Variants in FBXL17 observed in about 807,000 individuals in gnomAD.
The protein encoded by FBXL17 is F-box and leucine rich repeat protein 17, also known as F-box/LRR-repeat protein 17.
In FBXL17, 22 loss-of-function variants were observed where a neutral mutation model predicts 66.2. The ratio of observed to expected loss-of-function variants is 0.33; its 90% CI spans 0.24 to 0.47. The LOEUF (loss-of-function observed/expected upper bound fraction) is 0.47. FBXL17 is among the 20% of genes least tolerant of loss of function. The probability of loss-of-function intolerance (pLI) is 1.00; values close to 1 mark genes in which losing one functional copy is unlikely to be tolerated. For synonymous variants in FBXL17, 474 were observed against 400.5 expected (o/e 1.18, Z -2.19); for missense variants, 878 against 948.2 (o/e 0.93, Z 0.97).
At chr5:107,955,877 C>T (rs1464325557) in intron 7 of FBXL17, among the ~76,000 whole-genome samples, 3 of 152,102 alleles carry the variant, frequency 2.0e-5, no homozygotes, top group South Asian at 2.1e-4. Flanking sequence ...CCTCAAAATA[C>T]TAATAGATAT....
chr5:108,305,634 T>A (rs374984423), intron 4 of FBXL17, among the ~76,000 whole-genome samples: 2 of 151,944 alleles, frequency 1.3e-5, no homozygotes. Context: ...AGAAGAAGAA[T>A]ATAGTGACAG....
chr5:108,195,057 T>C (rs922327299), intron 5 of FBXL17, among the ~76,000 whole-genome samples: 2 of 152,132 alleles, frequency 1.3e-5, no homozygotes, highest in African/African-American at 2.4e-5. Flanking sequence ...TAAGCAGCTA[T>C]TGTGTACCAG....
intron 6 of FBXL17, among the ~76,000 whole-genome samples, chr5:108,081,254 A>T (rs182071099): frequency 6.6e-6 from 1 of 152,290 alleles, no homozygotes; most frequent in East Asian, 1.9e-4. Context: ...CCTCCTTCCC[A>T]TAACAGCCTG....
intron 7 of FBXL17, among the ~76,000 whole-genome samples, chr5:107,911,421 G>A (rs565873415): frequency 6.6e-6 from 1 of 152,210 alleles, no homozygotes; most frequent in Non-Finnish European, 1.5e-5. Flanking sequence ...TATGATACTA[G>A]AGGAGAATAT....
At chr5:108,368,021 T>C in intron 1 of FBXL17, 68 bp from the exon 2 acceptor site, 8 of 1,429,104 alleles carry the variant, frequency 5.6e-6, no homozygotes, top group Non-Finnish European at 7.5e-6. Flanking sequence ...AAGGTTTTTA[T>C]TAGTTAGAAA....
chr5:108,166,776 C>T (rs999019301), intron 6 of FBXL17, among the ~76,000 whole-genome samples: 2 of 152,126 alleles, frequency 1.3e-5, no homozygotes, highest in Non-Finnish European at 2.9e-5. Context: ...TAAATATAAA[C>T]ACTCAAAGTA....
chr5:107,975,383 A>G (rs548420799), intron 7 of FBXL17, among the ~76,000 whole-genome samples: 1 of 152,352 alleles, frequency 6.6e-6, no homozygotes, highest in African/African-American at 2.4e-5. Context: ...TACTAGGATT[A>G]AGTCCAAGGG....
At chr5:108,372,525 G>C (rs1405663616) in intron 1 of FBXL17, among the ~76,000 whole-genome samples, 1 of 152,028 alleles carries the variant, frequency 6.6e-6, no homozygotes, top group African/African-American at 2.4e-5. Context: ...CCTGAAAGCA[G>C]CAAGAAAAAT....
chr5:107,890,974 C>T (rs1010262408), intron 7 of FBXL17, among the ~76,000 whole-genome samples: 1 of 152,098 alleles, frequency 6.6e-6, no homozygotes, highest in Non-Finnish European at 1.5e-5. Context: ...TCTTGTGGAG[C>T]TTGTATTCTG....
intron 7 of FBXL17, among the ~76,000 whole-genome samples, chr5:107,980,177 G>GA (rs1213506543): frequency 6.6e-6 from 1 of 151,992 alleles, no homozygotes; most frequent in Non-Finnish European, 1.5e-5. Flanking sequence ...GCTAGGCAGA[G>GA]AAAAAACTAC....
intron 7 of FBXL17, among the ~76,000 whole-genome samples, chr5:107,951,879 G>A (rs1175392247): frequency 6.6e-6 from 1 of 152,166 alleles, no homozygotes; most frequent in Non-Finnish European, 1.5e-5. Flanking sequence ...TGTGAGATGG[G>A]TGCAAACAAC....
chr5:108,212,948 A>G (rs564797299), intron 5 of FBXL17, among the ~76,000 whole-genome samples: 1 of 152,288 alleles, frequency 6.6e-6, no homozygotes, highest in East Asian at 1.9e-4. Flanking sequence ...TGTCCCAGGA[A>G]GATAGGGGTT....
chr5:108,280,624 A>G (rs930344602), intron 4 of FBXL17, among the ~76,000 whole-genome samples: 1 of 152,022 alleles, frequency 6.6e-6, no homozygotes, highest in Non-Finnish European at 1.5e-5. Context: ...CAAAGAATTT[A>G]GAAAACAATT....
At chr5:108,231,093 G>A (rs1481168979) in intron 4 of FBXL17, among the ~76,000 whole-genome samples, 1 of 152,038 alleles carries the variant, frequency 6.6e-6, no homozygotes, top group African/African-American at 2.4e-5. Flanking sequence ...ATCTTCTTGG[G>A]GTGAGATGAA....
intron 6 of FBXL17, among the ~76,000 whole-genome samples, chr5:108,072,209 A>T (rs1314496831): frequency 6.6e-6 from 1 of 152,178 alleles, no homozygotes; most frequent in Non-Finnish European, 1.5e-5. Context: ...TATCTTCCTC[A>T]TACTTAACTA....
At chr5:108,046,645 T>C (rs1180689820) in intron 6 of FBXL17, among the ~76,000 whole-genome samples, 1 of 152,224 alleles carries the variant, frequency 6.6e-6, no homozygotes, top group Non-Finnish European at 1.5e-5. Flanking sequence ...TATATATCTA[T>C]AATTTGTCAC....
chr5:108,325,265 G>A (rs992940985), intron 4 of FBXL17, among the ~76,000 whole-genome samples: 5 of 151,968 alleles, frequency 3.3e-5, no homozygotes, highest in Non-Finnish European at 2.9e-5. Context: ...AACTTGCCAC[G>A]TACCGCCATC....
At position 108,190,595 on chromosome 5, in the gene FBXL17, T is replaced by C. The variant is rs2150037387; in HGVS notation, c.1615-4348A>G. Among the ~76,000 whole-genome samples, 3 of 152,346 alleles carry C rather than the reference T, an allele frequency of 2.0e-5. 1 individual carries two copies. The highest frequency in any genetic ancestry group is 2.0e-4 in the Admixed American group (3 of 15,306). On this transcript the variant is annotated intron_variant, in intron 5 of 8. Transcript: ENST00000542267. The stretch of plus-strand genomic sequence containing the variant: ...AACACAGGTTAACTGTCTTTTTATG[T>C]TCCCTAAAGTTTTATTTTTCACAAG...
At chr5:107,969,859 A>G (rs1447133341) in intron 7 of FBXL17, among the ~76,000 whole-genome samples, 1 of 152,174 alleles carries the variant, frequency 6.6e-6, no homozygotes, top group African/African-American at 2.4e-5. Context: ...TCAATTATGA[A>G]TTTATATGAT....
Sources: gnomAD v4.1 joint callset for allele counts (sites outside exome capture counted in the v4.1 genomes callset) on GRCh38, gnomAD v4.1.1 for gene constraint, MANE v1.5 for transcripts, NCBI Gene and HGNC (gene_info 2026-07-23, HGNC 2026-07-21) for gene names.